SCN7A: variants seen among roughly 807,000 people sequenced by gnomAD.
The protein encoded by SCN7A is sodium voltage-gated channel alpha subunit 7.
SCN7A carries 138 observed loss-of-function variants against 155.2 expected under a neutral mutation model. The ratio of observed to expected loss-of-function variants is 0.89; its 90% CI spans 0.77 to 1.02. The LOEUF (loss-of-function observed/expected upper bound fraction) is 1.02, where lower values mean the gene tolerates loss of function less well. Among genes scored for constraint, SCN7A ranks in the 50% least tolerant of loss-of-function variants. The pLI, the probability that SCN7A is intolerant of heterozygous loss-of-function variation, is 0.00. For missense variants in SCN7A, 2,058 were observed against 1,986.6 expected (o/e 1.04, Z -0.68); for synonymous variants, 693 against 649.0 (o/e 1.07, Z -1.03).
chr2:166,441,788 A>T, intron 14 of SCN7A, 36 bp from the exon 15 acceptor site: 1 of 1,512,662 alleles, frequency 6.6e-7, no homozygotes, highest in Non-Finnish European at 9.0e-7. Flanking sequence ...ACAAGAAACA[A>T]ATGACAAAAA....
intron 15 of SCN7A, among the ~76,000 whole-genome samples, chr2:166,435,441 G>C (rs999328445): frequency 1.3e-4 from 20 of 151,988 alleles, no homozygotes; most frequent in Admixed American, 1.1e-3. Context: ...AGGTGAAATA[G>C]TGTGTATAAA....
intron 15 of SCN7A, among the ~76,000 whole-genome samples, chr2:166,439,189 T>C (rs746887537): frequency 1.3e-5 from 2 of 151,378 alleles, no homozygotes; most frequent in Non-Finnish European, 2.9e-5. Context: ...ATAAAATTTA[T>C]TTAGGAAATT....
intron 20 of SCN7A, among the ~76,000 whole-genome samples, chr2:166,419,259 C>A (rs1276214615): frequency 9.3e-5 from 14 of 150,620 alleles, no homozygotes; most frequent in Admixed American, 9.3e-4. Context: ...TGTGTGTGTG[C>A]ATGTGTATTT....
intron 15 of SCN7A, among the ~76,000 whole-genome samples, chr2:166,439,024 TAC>T (rs71395227): frequency 0.13 from 17,763 of 136,402 alleles, 1,275 homozygotes; most frequent in Middle Eastern, 0.16. Flanking sequence ...TATATATACA[TAC>T]ACACACATAC....
At chr2:166,470,882 A>G (rs1702639168) in intron 6 of SCN7A, among the ~76,000 whole-genome samples, 176 bp from the exon 7 acceptor site, 1 of 151,830 alleles carries the variant, frequency 6.6e-6, no homozygotes, top group Non-Finnish European at 1.5e-5. Flanking sequence ...AGATTGCTAC[A>G]GTGGAAAGTG....
intron 3 of SCN7A, among the ~76,000 whole-genome samples, chr2:166,475,119 T>TAC (rs1553520550): frequency 0.044 from 5,659 of 129,956 alleles, 193 homozygotes; most frequent in Middle Eastern, 0.065. Flanking sequence ...TATATATATA[T>TAC]ACATATATAT....
intron 11 of SCN7A, among the ~76,000 whole-genome samples, chr2:166,455,044 T>A (rs974818741): frequency 6.6e-6 from 1 of 152,202 alleles, no homozygotes; most frequent in Non-Finnish European, 1.5e-5. Context: ...AATAATTCCC[T>A]GTACTATGAT....
chr2:166,465,383 ACAGTAAAAG>A lies in SCN7A; in HGVS notation c.941+70_941+78del, dbSNP rs1436707243. On this transcript the variant is annotated intron_variant, in intron 9 of 25. Coordinates refer to ENST00000643258, the MANE Select transcript of SCN7A (RefSeq NM_002976.4). ...AGATAATACAATCAAATGGGAAGCA[ACAGTAAAAG>A]CAATAGTCCTTCATTAAATACTATT... 7 of 971,320 alleles carry A rather than the reference ACAGTAAAAG, an allele frequency of 7.2e-6. No individual in the cohort carries two copies. In the Admixed American group the frequency reaches 1.7e-4, roughly 23 times the overall value. 60.2% of individuals were successfully genotyped at this position (971,320 alleles called of 1,614,324 possible). A position where few individuals can be genotyped will look rare whatever the true frequency, so the allele number is the denominator to read the frequency against.
At chr2:166,480,722 T>G (rs1019472258) in intron 2 of SCN7A, among the ~76,000 whole-genome samples, 1 of 152,216 alleles carries the variant, frequency 6.6e-6, no homozygotes, top group Non-Finnish European at 1.5e-5. Flanking sequence ...AATCTCCTCC[T>G]TCTATGTGGA....
rs1702727543 is a variant in SCN7A, at chr2:166,474,250, GTTC to G, written c.326_328del (p.Arg109del). ...TGGATGTACCAAAACCTTGATAGTT[GTTC>G]TTCTAATACAATTGAAAGGAGACAA... On this transcript the variant is annotated inframe_deletion, in exon 4 of 26. Coordinates refer to ENST00000643258, the MANE Select transcript of SCN7A (RefSeq NM_002976.4). 1 of 1,507,372 alleles carries G rather than the reference GTTC, an allele frequency of 6.6e-7. No homozygotes were observed. The highest frequency in any genetic ancestry group is 1.4e-5 in the African/African-American group (1 of 71,194). 93.4% of individuals were successfully genotyped at this position (1,507,372 alleles called of 1,614,324 possible).
intron 19 of SCN7A, among the ~76,000 whole-genome samples, chr2:166,422,036 G>A (rs1303982433): frequency 6.6e-6 from 1 of 152,100 alleles, no homozygotes; most frequent in African/African-American, 2.4e-5. Context: ...AAGCATGAAG[G>A]AATCTAGACA....
rs1362640688 is a variant in SCN7A at position 166,416,747 on chromosome 2, A to C, written c.3374T>G (p.Phe1125Cys). The stretch of plus-strand genomic sequence containing the variant: ...AAGGAAACCATTTCCAACATTATCA[A>C]AGTTCATTTTTGCATTTTCCCATAG... ...SMLWENAKMN[F>C]DNVGNGFLSL... Residue 1125 changes from phenylalanine to cysteine, a missense_variant, in exon 21 of 26, where the codon TTT becomes TGT. Phe to Cys is a radical substitution (Grantham distance 205). Transcript: ENST00000643258. 2 of 1,611,556 alleles carry C rather than the reference A, an allele frequency of 1.2e-6. No homozygotes were observed. Among genetic ancestry groups the C allele is most frequent in the Non-Finnish European group, 1.7e-6 (2 of 1,178,700 alleles).
At chr2:166,415,574 G>A (rs1322343630) in intron 21 of SCN7A, among the ~76,000 whole-genome samples, 1 of 152,080 alleles carries the variant, frequency 6.6e-6, no homozygotes, top group Non-Finnish European at 1.5e-5. Flanking sequence ...CAGGGACCCT[G>A]AACAGAGGGA....
chr2:166,410,183 T>G, intron 24 of SCN7A, 37 bp downstream of exon 24: 1 of 1,395,202 alleles, frequency 7.2e-7, no homozygotes. Context: ...AAAGAACACC[T>G]CCATTGAAGT....
intron 18 of SCN7A, among the ~76,000 whole-genome samples, chr2:166,426,095 T>G (rs1328452680): frequency 6.6e-6 from 1 of 152,092 alleles, no homozygotes; most frequent in Non-Finnish European, 1.5e-5. Context: ...TGCCTCCTAC[T>G]CTAAGAAAGA....
At chr2:166,427,261 C>A (rs1229652918) in intron 18 of SCN7A, among the ~76,000 whole-genome samples, 1 of 152,022 alleles carries the variant, frequency 6.6e-6, no homozygotes, top group Non-Finnish European at 1.5e-5. Flanking sequence ...CAGTGAATTA[C>A]CTTGTAGAAC....
chr2:166,409,803 C>T lies in SCN7A; in HGVS notation c.3844G>A (p.Ala1282Thr). 6.4e-7 allele frequency: 1 copy of T among 1,573,430 alleles called. No individual in the cohort carries two copies. The highest frequency in any genetic ancestry group is 8.6e-7 in the Non-Finnish European group (1 of 1,157,120). Residue 1282 changes from alanine (A) to threonine (T), a missense_variant, in exon 25 of 26, where the codon GCT (alanine) becomes ACT (threonine). Coordinates refer to ENST00000643258, the MANE Select transcript of SCN7A (RefSeq NM_002976.4). ...AAAATTGAGTTAATCCAGTAGAGAG[C>T]AATGGACATTTGTAGACTCTGAACA... Reference protein sequence around the residue: ...TDVQSLQMSIALYWINSIFVM... With the variant: ...TDVQSLQMSITLYWINSIFVM...
In SCN7A at chr2:166,441,566, CTT is replaced by C. The variant is rs1252099914; in HGVS notation, c.1985_1986del (p.Lys662ArgfsTer11). On this transcript the variant is annotated frameshift_variant, in exon 15 of 26. Coordinates refer to ENST00000643258, the MANE Select transcript of SCN7A (RefSeq NM_002976.4). LOFTEE classifies it high-confidence loss of function. Reference sequence around the variant, plus strand: ...ATGTGCCAGCGTGGGAGTTGACAGTCTTTGTCTATGTGGCAGACAAATTCTTC... The same window carrying C: ...ATGTGCCAGCGTGGGAGTTGACAGTCTGTCTATGTGGCAGACAAATTCTTC... ...NYEEFVCHID[K>X]DCQLPRWHMH... 2.5e-6 allele frequency: 4 copies of C among 1,613,936 alleles called. No homozygotes were observed. The highest frequency in any genetic ancestry group is 3.4e-6 in the Non-Finnish European group (4 of 1,179,972).
chr2:166,428,987 A>G (rs1701678102), intron 17 of SCN7A, among the ~76,000 whole-genome samples, 182 bp downstream of exon 17: 1 of 152,126 alleles, frequency 6.6e-6, no homozygotes, highest in South Asian at 2.1e-4. Flanking sequence ...ACTCATATAA[A>G]AATGGCCTAT....
Sources: gnomAD v4.1 joint callset for allele counts (sites outside exome capture counted in the v4.1 genomes callset) on GRCh38, gnomAD v4.1.1 for gene constraint, MANE v1.5 for transcripts, NCBI Gene and HGNC (gene_info 2026-07-23, HGNC 2026-07-21) for gene names.